Variants in SPOCK3 observed in about 807,000 individuals in gnomAD.
The protein encoded by SPOCK3 is SPARC (osteonectin), cwcv and kazal like domains proteoglycan 3.
In SPOCK3, 30 loss-of-function variants were observed where a neutral mutation model predicts 56.6. That is an observed-to-expected ratio of 0.53 (90% CI 0.40 to 0.72). The LOEUF (loss-of-function observed/expected upper bound fraction) is 0.72. Among genes scored for constraint, SPOCK3 ranks in the 30% least tolerant of loss-of-function variants. SPOCK3 has a pLI of 0.00. For missense variants in SPOCK3, 527 were observed against 530.0 expected, an observed-to-expected ratio of 0.99 and a Z score of 0.06; for synonymous variants, 196 against 183.3, an observed-to-expected ratio of 1.07 and a Z score of -0.56.
chr4:166,842,989 C>T (rs1008797835), intron 6 of SPOCK3, among the ~76,000 whole-genome samples: 12 of 152,200 alleles, frequency 7.9e-5, no homozygotes, highest in African/African-American at 2.7e-4. Context: ...CAGCTGAGGC[C>T]CGGCGAGAAT....
intron 6 of SPOCK3, among the ~76,000 whole-genome samples, chr4:166,846,064 T>C (rs764512150): frequency 6.6e-6 from 1 of 152,142 alleles, no homozygotes; most frequent in African/African-American, 2.4e-5. Context: ...AGGTAATGCT[T>C]TGAGCTAAGA....
chr4:167,176,659 C>G (rs925134640), intron 2 of SPOCK3, among the ~76,000 whole-genome samples: 1 of 151,974 alleles, frequency 6.6e-6, no homozygotes, highest in Admixed American at 6.6e-5. Context: ...CCCATTCAGT[C>G]TAGTCTACTA....
chr4:167,151,884 C>G (rs980165187), intron 2 of SPOCK3, among the ~76,000 whole-genome samples: 4 of 152,300 alleles, frequency 2.6e-5, no homozygotes, highest in African/African-American at 9.6e-5. Flanking sequence ...CATTGCTATG[C>G]TCTGCTAAGT....
rs139223637 is a variant in SPOCK3, at chr4:167,124,582, C to T, written c.190-62045G>A. Among the ~76,000 whole-genome samples, 41 of 152,282 alleles carry T rather than the reference C, an allele frequency of 2.7e-4. No homozygotes were observed. The East Asian group carries it at 4.8e-3, about 18-fold the overall frequency. ...CCTTCAAAATATATCCTGTCAACAG[C>T]GTAACCCATTTACCATCGTCTCTCA... On this transcript the variant is annotated intron_variant, in intron 2 of 10. Transcript: ENST00000357545.
At chr4:166,813,670 T>G (rs1744082244) in intron 6 of SPOCK3, among the ~76,000 whole-genome samples, 1 of 151,786 alleles carries the variant, frequency 6.6e-6, no homozygotes, top group South Asian at 2.1e-4. Flanking sequence ...AGAAAATATA[T>G]ATTTTATATT....
At chr4:167,035,363 G>A (rs1752647258) in intron 3 of SPOCK3, among the ~76,000 whole-genome samples, 1 of 151,862 alleles carries the variant, frequency 6.6e-6, no homozygotes, top group Non-Finnish European at 1.5e-5. Context: ...TACAGAAAGT[G>A]GAACAGGTTT....
At chr4:166,912,336 T>C (rs1036755495) in intron 5 of SPOCK3, among the ~76,000 whole-genome samples, 4 of 152,276 alleles carry the variant, frequency 2.6e-5, no homozygotes, top group African/African-American at 9.6e-5. Context: ...ACTAAAGCTA[T>C]TGTACAGCAT....
chr4:166,890,878 G>A (rs1302142178), intron 5 of SPOCK3, among the ~76,000 whole-genome samples: 1 of 151,942 alleles, frequency 6.6e-6, no homozygotes, highest in South Asian at 2.1e-4. Flanking sequence ...TTATTATTGT[G>A]TGGGAGTCTA....
At chr4:167,105,463 T>TAAAAAAAAAAAAAAAAAAAAAATA (rs552028589) in intron 2 of SPOCK3, among the ~76,000 whole-genome samples, 1 of 98,684 alleles carries the variant, frequency 1.0e-5, no homozygotes, top group African/African-American at 4.2e-5. Flanking sequence ...ACACAAAAAT[T>TAAAAAAAAAAAAAAAAAAAAAATA]AAAAAAAAAA....
intron 4 of SPOCK3, among the ~76,000 whole-genome samples, chr4:166,926,187 G>A (rs1190406333): frequency 6.6e-6 from 1 of 152,046 alleles, no homozygotes; most frequent in African/African-American, 2.4e-5. Context: ...CCCTTTGACC[G>A]GAGTGAAACA....
intron 6 of SPOCK3, among the ~76,000 whole-genome samples, chr4:166,872,777 C>T (rs909352522): frequency 3.3e-5 from 5 of 152,064 alleles, no homozygotes; most frequent in African/African-American, 1.2e-4. Flanking sequence ...TGAGATTGGA[C>T]AGTTTATTTA....
At chr4:166,849,663 TAC>T (rs1257941340) in intron 6 of SPOCK3, among the ~76,000 whole-genome samples, 4 of 152,196 alleles carry the variant, frequency 2.6e-5, no homozygotes, top group Non-Finnish European at 4.4e-5. Context: ...TAGAATTAAG[TAC>T]ATTCACATTG....
Position 166,754,623 on chromosome 4 carries a change from G to T in SPOCK3, c.816C>A (p.Ser272Arg), listed in dbSNP as rs1736826062. 6.2e-7 allele frequency: 1 copy of T among 1,613,612 alleles called. No individual in the cohort carries two copies. The highest frequency in any genetic ancestry group is 1.3e-5 in the African/African-American group (1 of 74,892). ...ACTGTTCATTCTTATCAAGGTAAAT[G>T]CTTCTGAGCTCTGACTGGTCCAATA... The part of the protein sequence containing the change: ...DLLLDQSELR[S>R]IYLDKNEQCT... Residue 272 changes from serine to arginine, a missense_variant, in exon 8 of 11, where the codon AGC becomes AGA. Physicochemically the swap from Ser to Arg is moderately radical, Grantham distance 110. Transcript: ENST00000357545.
At chr4:167,085,301 A>C (rs1241598816) in intron 2 of SPOCK3, among the ~76,000 whole-genome samples, 1 of 152,104 alleles carries the variant, frequency 6.6e-6, no homozygotes, top group Non-Finnish European at 1.5e-5. Flanking sequence ...ATGCCCAAAC[A>C]GACTTTTTTC....
intron 2 of SPOCK3, among the ~76,000 whole-genome samples, chr4:167,114,123 C>T (rs145912282): frequency 0.012 from 1,846 of 152,196 alleles, 21 homozygotes; most frequent in Non-Finnish European, 0.018. Context: ...TAGCTTATAG[C>T]AGACCAAACT....
chr4:167,107,666 C>A (rs1391727201), intron 2 of SPOCK3, among the ~76,000 whole-genome samples: 1 of 151,744 alleles, frequency 6.6e-6, no homozygotes, highest in African/African-American at 2.4e-5. Flanking sequence ...AGTCAAATTC[C>A]TTGTTTGCTG....
rs1007021759 is a variant in SPOCK3 at position 166,830,318 on chromosome 4, A to T, written c.590-38029T>A. 5.3e-5 allele frequency among the ~76,000 whole-genome samples: 8 copies of T among 152,222 alleles called. 1 individual carries two copies. The South Asian group carries it at 8.3e-4, about 16-fold the overall frequency. ...AGAAATGATTTTTAGGACTCTGAAT[A>T]TAAGTCTAAATAAATGTTTCTCTTC... On this transcript the variant is annotated intron_variant, in intron 6 of 10. Transcript: ENST00000357545.
chr4:166,978,861 T>G (rs1407626321), intron 4 of SPOCK3, among the ~76,000 whole-genome samples: 2 of 152,156 alleles, frequency 1.3e-5, no homozygotes, highest in Non-Finnish European at 2.9e-5. Context: ...AATAAAATAT[T>G]TCTAGAAATG....
chr4:167,050,060 A>G (rs1038061201), intron 3 of SPOCK3, among the ~76,000 whole-genome samples: 1 of 152,144 alleles, frequency 6.6e-6, no homozygotes, highest in Non-Finnish European at 1.5e-5. Flanking sequence ...AAAATACTTG[A>G]CATATAGGGA....
Sources: gnomAD v4.1 joint callset for allele counts (sites outside exome capture counted in the v4.1 genomes callset) on GRCh38, gnomAD v4.1.1 for gene constraint, MANE v1.5 for transcripts, NCBI Gene and HGNC (gene_info 2026-07-23, HGNC 2026-07-21) for gene names.